The following CFAP299 variants were observed in gnomAD, a reference collection of about 807,000 sequenced individuals.
The protein encoded by CFAP299 is cilia- and flagella-associated protein 299.
Under a neutral mutation model 27.0 loss-of-function variants are expected in CFAP299, and 21 were observed. The ratio of observed to expected loss-of-function variants is 0.78; its 90% confidence interval spans 0.55 to 1.12. CFAP299 has a LOEUF of 1.12. Ranked by LOEUF, CFAP299 falls within the 50% of genes most tolerant of loss-of-function variation. The pLI is 0.00. For missense variants in CFAP299, 310 were observed against 276.6 expected, an observed-to-expected ratio of 1.12 and a Z score of -0.86; for synonymous variants, 104 against 98.1, an observed-to-expected ratio of 1.06 and a Z score of -0.36.
At chr4:80,493,759 C>CTTTTTTTTTTTT (rs1177389983) in intron 2 of CFAP299, among the ~76,000 whole-genome samples, 1 of 76,758 alleles carries the variant, frequency 1.3e-5, no homozygotes, top group East Asian at 4.5e-4. Flanking sequence ...ATCTCATATT[C>CTTTTTTTTTTTT]TTTTTTTTTT....
chr4:80,905,947 C>G (rs1735162085), intron 4 of CFAP299, among the ~76,000 whole-genome samples: 1 of 152,102 alleles, frequency 6.6e-6, no homozygotes, highest in Admixed American at 6.6e-5. Flanking sequence ...CATTTCAAAA[C>G]ACAATCATGC....
chr4:80,859,222 A>G (rs925620543), intron 3 of CFAP299, among the ~76,000 whole-genome samples: 1 of 152,136 alleles, frequency 6.6e-6, no homozygotes, highest in African/African-American at 2.4e-5. Flanking sequence ...ATCAGAGACT[A>G]GGATTGCAAC....
chr4:80,498,846 AATC>A (rs1165865744), intron 2 of CFAP299, among the ~76,000 whole-genome samples: 3 of 152,334 alleles, frequency 2.0e-5, no homozygotes, highest in Admixed American at 6.5e-5. Context: ...AATCAATCTA[AATC>A]ATCATCAATA....
chr4:80,944,099 T>G (rs997623350), intron 4 of CFAP299, among the ~76,000 whole-genome samples: 1 of 150,652 alleles, frequency 6.6e-6, no homozygotes, highest in African/African-American at 2.4e-5. Flanking sequence ...AATAAATAAA[T>G]AAATAAATAA....
chr4:80,599,268 C>T (rs1177209804), intron 3 of CFAP299, among the ~76,000 whole-genome samples: 4 of 152,238 alleles, frequency 2.6e-5, no homozygotes, highest in African/African-American at 4.8e-5. Flanking sequence ...GCTCTATAAT[C>T]GTCTTCATTT....
intron 3 of CFAP299, among the ~76,000 whole-genome samples, chr4:80,688,171 A>G (rs1720359145): frequency 1.3e-5 from 2 of 152,234 alleles, no homozygotes; most frequent in Non-Finnish European, 2.9e-5. Context: ...GGAAGCTCGA[A>G]CAGAGTGGAA....
At chr4:80,628,134 GACAC>G (rs1739009256) in intron 3 of CFAP299, among the ~76,000 whole-genome samples, 2 of 152,058 alleles carry the variant, frequency 1.3e-5, no homozygotes, top group East Asian at 1.9e-4. Flanking sequence ...CATAAAAATA[GACAC>G]ACAGAGCAAT....
chr4:80,840,219 G>C (rs1309050478), intron 3 of CFAP299, among the ~76,000 whole-genome samples: 1 of 152,108 alleles, frequency 6.6e-6, no homozygotes, highest in Non-Finnish European at 1.5e-5. Flanking sequence ...ACTTGAACTA[G>C]ATGGTATATG....
intron 3 of CFAP299, among the ~76,000 whole-genome samples, chr4:80,814,576 T>C (rs1729326954): frequency 6.6e-6 from 1 of 152,006 alleles, no homozygotes; most frequent in Non-Finnish European, 1.5e-5. Context: ...CTCCGTAATT[T>C]GGGAATAATT....
intron 3 of CFAP299, among the ~76,000 whole-genome samples, chr4:80,799,801 T>TGATATA (rs1728237349): frequency 2.8e-5 from 1 of 35,182 alleles, no homozygotes; most frequent in African/African-American, 1.6e-4. Flanking sequence ...TTATATTATA[T>TGATATA]AATATATAAA....
At chr4:80,891,830 G>GAGAAAAA (rs1734313552) in intron 4 of CFAP299, among the ~76,000 whole-genome samples, 3 of 53,998 alleles carry the variant, frequency 5.6e-5, no homozygotes, top group African/African-American at 1.9e-4. Context: ...TAGATTAAAG[G>GAGAAAAA]AAAAAAAAAA....
At chr4:80,402,222 G>A (rs931627146) in intron 2 of CFAP299, among the ~76,000 whole-genome samples, 1 of 152,126 alleles carries the variant, frequency 6.6e-6, no homozygotes, top group Admixed American at 6.6e-5. Context: ...CTGTTAGGAA[G>A]GCATGATTTG....
intron 2 of CFAP299, among the ~76,000 whole-genome samples, chr4:80,521,854 A>AT (rs1732930241): frequency 6.6e-6 from 1 of 151,742 alleles, no homozygotes; most frequent in South Asian, 2.1e-4. Flanking sequence ...TTCTTTATCC[A>AT]TTCAATCTAA....
At chr4:80,832,848 A>G (rs1730369873) in intron 3 of CFAP299, among the ~76,000 whole-genome samples, 1 of 152,176 alleles carries the variant, frequency 6.6e-6, no homozygotes, top group South Asian at 2.1e-4. Flanking sequence ...GGAAGCAAGA[A>G]GGTAGTATTT....
intron 2 of CFAP299, among the ~76,000 whole-genome samples, chr4:80,413,210 G>T (rs1002897899): frequency 6.6e-6 from 1 of 152,190 alleles, no homozygotes; most frequent in Non-Finnish European, 1.5e-5. Context: ...AGCAAGTACA[G>T]ATCAAAGTGT....
intron 3 of CFAP299, among the ~76,000 whole-genome samples, chr4:80,742,339 T>G (rs1290878814): frequency 6.6e-6 from 1 of 152,186 alleles, no homozygotes; most frequent in African/African-American, 2.4e-5. Flanking sequence ...CAAGATACTA[T>G]TACCTAATAA....
rs117956314 is a variant in CFAP299, at chr4:80,577,833, G to A, written c.243-5260G>A. Among the ~76,000 whole-genome samples the A allele has an allele frequency of 3.2e-4, 49 of 152,176 alleles. No homozygotes were observed. The East Asian group carries it at 7.9e-3, about 25-fold the overall frequency. On this transcript the variant is annotated intron_variant, in intron 2 of 5. Transcript: ENST00000358105. The stretch of plus-strand genomic sequence containing the variant: ...TATTTAAAAAATAAACTCTTAAAAA[G>A]TAACTCTTGAAAATAAGTTTCTACT...
At chr4:80,900,314 T>C (rs1345121021) in intron 4 of CFAP299, among the ~76,000 whole-genome samples, 1 of 152,158 alleles carries the variant, frequency 6.6e-6, no homozygotes, top group African/African-American at 2.4e-5. Flanking sequence ...CTCTTTTATG[T>C]TTCTCTCTTA....
chr4:80,557,900 A>T (rs757222653), intron 2 of CFAP299, among the ~76,000 whole-genome samples: 7 of 152,140 alleles, frequency 4.6e-5, no homozygotes, highest in Non-Finnish European at 2.9e-5. Flanking sequence ...GTGATTAGCT[A>T]ACTTTCGCCA....
Sources: gnomAD v4.1 joint callset for allele counts (sites outside exome capture counted in the v4.1 genomes callset) on GRCh38, gnomAD v4.1.1 for gene constraint, MANE v1.5 for transcripts, NCBI Gene and HGNC (gene_info 2026-07-23, HGNC 2026-07-21) for gene names.